The following EXT2 variants were observed in gnomAD, a reference collection of about 807,000 sequenced individuals.
EXT2 encodes exostosin-2.
In EXT2, 53 loss-of-function variants were observed where a neutral mutation model predicts 81.6. The ratio of observed to expected loss-of-function variants is 0.65; its 90% CI spans 0.52 to 0.82. The LOEUF is 0.82. Ranked by LOEUF, EXT2 falls within the 40% of genes least tolerant of loss-of-function variation. EXT2 has a pLI of 0.00. For synonymous variants in EXT2, 320 were observed against 340.0 expected, an observed-to-expected ratio of 0.94 and a Z score of 0.65; for missense variants, 774 against 910.2, an observed-to-expected ratio of 0.85 and a Z score of 1.93.
chr11:44,101,899 T>C (rs1291163837), intron 1 of EXT2, among the ~76,000 whole-genome samples: 1 of 148,024 alleles, frequency 6.8e-6, no homozygotes, highest in Non-Finnish European at 1.5e-5. Context: ...ATGGTGTTTC[T>C]AAGCTGGGCA....
chr11:44,161,138 T>C (rs1954922194), intron 7 of EXT2, among the ~76,000 whole-genome samples: 1 of 152,240 alleles, frequency 6.6e-6, no homozygotes, highest in Admixed American at 6.5e-5. Flanking sequence ...TCTAAGATTT[T>C]AAATATAAAA....
chr11:44,210,541 A>G (rs1173500377), intron 10 of EXT2, among the ~76,000 whole-genome samples: 2 of 152,182 alleles, frequency 1.3e-5, no homozygotes, highest in Non-Finnish European at 2.9e-5. Context: ...ACAGAGGGGT[A>G]CAAAAAACTT....
At position 44,107,957 on chromosome 11, in the gene EXT2, A is replaced by C. The variant is rs534539796; in HGVS notation, c.245A>C (p.Asp82Ala). The change falls in exon 2 of 14, where the codon GAT (aspartate) becomes GCT (alanine). Residue 82 changes from aspartate (D) to alanine (A), a missense_variant. Asp to Ala is a moderately radical substitution (Grantham distance 126, BLOSUM62 -2). This residue lies in a region of EXT2 where 626 missense variants were observed against 670.5 expected (regional missense o/e 0.93). Transcript: ENST00000533608. Reference protein sequence around the residue: ...PADSPIPERGDLSCRMHTCFD... With the variant: ...PADSPIPERGALSCRMHTCFD... The stretch of plus-strand genomic sequence containing the variant: ...GACAGTCCCATCCCAGAGCGGGGGG[A>C]TCTCAGTTGCAGAATGCACACGTGT... The C allele has an allele frequency of 4.6e-5, 74 of 1,614,094 alleles. 2 individuals carry two copies. In the South Asian group the frequency reaches 7.9e-4, roughly 17 times the overall value.
intron 7 of EXT2, among the ~76,000 whole-genome samples, chr11:44,141,293 T>C (rs539412769): frequency 6.6e-6 from 1 of 152,368 alleles, no homozygotes; most frequent in South Asian, 2.1e-4. Context: ...TTTATGTATG[T>C]TCAGTACAGG....
In EXT2 at chr11:44,244,615, A is replaced by G. The variant is rs1956076416; in HGVS notation, c.*328A>G. ...TTTCAGTTCCATGTAACAATCTGGA[A>G]GGAAACTTCACGGACAGGAAGACTG... is the stretch of plus-strand genomic sequence containing the variant. On this transcript the variant is annotated 3_prime_UTR_variant, in exon 14 of 14. Coordinates refer to ENST00000533608, the MANE Select transcript of EXT2 (RefSeq NM_207122.2). 1 of 422,718 alleles carries G rather than the reference A, an allele frequency of 2.4e-6. No homozygotes were observed. The highest frequency in any genetic ancestry group is 2.0e-5 in the African/African-American group (1 of 51,048). The allele number at this position is 422,718 out of a possible 1,614,324, so 26.2% of individuals were successfully genotyped here.
At chr11:44,219,328 C>T (rs1955756755) in intron 10 of EXT2, among the ~76,000 whole-genome samples, 1 of 151,312 alleles carries the variant, frequency 6.6e-6, no homozygotes, top group Non-Finnish European at 1.5e-5. Context: ...ATAGTGAGAC[C>T]TCATCTCTAC....
At chr11:44,210,821 A>G (rs752762887) in intron 10 of EXT2, among the ~76,000 whole-genome samples, 12 of 152,228 alleles carry the variant, frequency 7.9e-5, no homozygotes, top group Non-Finnish European at 1.2e-4. Context: ...GAACAACTTC[A>G]TAATTGGAAA....
intron 1 of EXT2, among the ~76,000 whole-genome samples, chr11:44,104,998 T>C (rs192978428): frequency 1.3e-5 from 2 of 152,330 alleles, no homozygotes; most frequent in Admixed American, 1.3e-4. Context: ...AAATTCCTTG[T>C]TATGTTCCAG....
At chr11:44,232,518 A>T (rs769012431) in intron 11 of EXT2, 22 bp downstream of exon 11, 11 of 1,613,310 alleles carry the variant, frequency 6.8e-6, no homozygotes, top group Non-Finnish European at 9.3e-6. Flanking sequence ...CAGTCCTGGC[A>T]AGGTGACAAA....
rs1371730395 is a variant in EXT2 at position 44,107,832 on chromosome 11, T to A, written c.120T>A (p.Thr40=). The change falls in exon 2 of 14, where the codon ACT becomes ACA. Residue 40 remains threonine, a synonymous_variant. Transcript: ENST00000533608. ...FSIVLLGLIA[T]GMFQFWPHSI... The stretch of plus-strand genomic sequence containing the variant: ...TTGTCCTCCTGGGCCTCATTGCCAC[T>A]GGCATGTTTCAGTTTTGGCCCCATT... 10 of 1,614,180 alleles carry A rather than the reference T, an allele frequency of 6.2e-6. No homozygotes were observed. The highest frequency in any genetic ancestry group is 8.5e-6 in the Non-Finnish European group (10 of 1,180,040).
chr11:44,108,051 GTACGTGGAT>G lies in EXT2; in HGVS notation c.340_348del (p.Tyr114_Asp116del). ...AGGTGTATATCTATGCTCTGAAAAA[GTACGTGGAT>G]GACTTTGGCGTCTCTGTCAGCAACA... is the stretch of plus-strand genomic sequence containing the variant. On this transcript the variant is annotated inframe_deletion, in exon 2 of 14. Transcript: ENST00000533608. 1 of 1,614,166 alleles carries G rather than the reference GTACGTGGAT, an allele frequency of 6.2e-7. No homozygotes were observed. Among genetic ancestry groups the G allele is most frequent in the South Asian group, 1.1e-5 (1 of 91,078 alleles).
At chr11:44,224,280 T>A (rs1410829047) in intron 10 of EXT2, among the ~76,000 whole-genome samples, 1 of 152,182 alleles carries the variant, frequency 6.6e-6, no homozygotes, top group Admixed American at 6.5e-5. Context: ...GATGTTGGAT[T>A]GCCTTTTCTG....
chr11:44,125,521 A>AGGGAAAGCGGTCTT (rs1954387808), intron 5 of EXT2, among the ~76,000 whole-genome samples: 1 of 152,154 alleles, frequency 6.6e-6, no homozygotes, highest in Non-Finnish European at 1.5e-5. Flanking sequence ...GTACTTCCAT[A>AGGGAAAGCGGTCTT]ACCATAGGGA....
At chr11:44,169,550 A>G (rs1176057478) in intron 7 of EXT2, among the ~76,000 whole-genome samples, 1 of 152,164 alleles carries the variant, frequency 6.6e-6, no homozygotes, top group Non-Finnish European at 1.5e-5. Context: ...TAGGAAACAA[A>G]TAGAATAATC....
At chr11:44,097,769 T>G (rs1027361873) in intron 1 of EXT2, among the ~76,000 whole-genome samples, 3 of 12,764 alleles carry the variant, frequency 2.4e-4, no homozygotes, top group African/African-American at 1.4e-3. Flanking sequence ...AAAAAATAAA[T>G]AAATAAATAA....
At chr11:44,210,042 T>C (rs1955629119) in intron 10 of EXT2, among the ~76,000 whole-genome samples, 1 of 152,252 alleles carries the variant, frequency 6.6e-6, no homozygotes, top group Admixed American at 6.5e-5. Context: ...CCTTCCACTT[T>C]ACTGTGATCC....
At chr11:44,153,084 G>C (rs11037890) in intron 7 of EXT2, among the ~76,000 whole-genome samples, 1 of 152,054 alleles carries the variant, frequency 6.6e-6, no homozygotes, top group South Asian at 2.1e-4. Flanking sequence ...CTGAAATTTT[G>C]TTGAATCTAT....
chr11:44,197,716 A>G, intron 8 of EXT2, 113 bp from the exon 9 acceptor site: 1 of 1,058,146 alleles, frequency 9.5e-7, no homozygotes, highest in South Asian at 1.3e-5. Flanking sequence ...TAGCTCTGGG[A>G]TCTGTCCTGG....
chr11:44,112,086 G>T lies in EXT2; in HGVS notation c.627-2099G>T, dbSNP rs1238346677. ...CAAAACCTGAAGCTTTATATTTGAG[G>T]AATTTGCAGGCCTGATTCCATGCAT... On this transcript the variant is annotated intron_variant, in intron 3 of 13. Coordinates refer to ENST00000533608, the MANE Select transcript of EXT2 (RefSeq NM_207122.2). Among the ~76,000 whole-genome samples the T allele has an allele frequency of 2.6e-5, 4 of 152,290 alleles. No individual in the cohort carries two copies. The South Asian group carries it at 8.3e-4, about 32-fold the overall frequency.
Sources: allele counts gnomAD v4.1 joint callset (sites outside exome capture counted in the v4.1 genomes callset), GRCh38; gene constraint gnomAD v4.1.1; regional missense constraint gnomAD v4.1.1; transcripts MANE v1.5; gene names NCBI Gene and HGNC (gene_info 2026-07-23, HGNC 2026-07-21).